IL1RAPL2: variants seen among roughly 807,000 people sequenced by gnomAD.
IL1RAPL2 encodes interleukin 1 receptor accessory protein like 2.
In IL1RAPL2, 3 loss-of-function variants were observed where a neutral mutation model predicts 44.1. That is an observed-to-expected ratio of 0.07 (90% CI 0.03 to 0.18). The LOEUF is 0.18. Ranked by LOEUF, IL1RAPL2 falls within the 10% of genes least tolerant of loss-of-function variation. IL1RAPL2 has a pLI of 1.00. For synonymous variants in IL1RAPL2, 181 were observed against 178.8 expected, an observed-to-expected ratio of 1.01 and a Z score of -0.10; for missense variants, 391 against 496.4, an observed-to-expected ratio of 0.79 and a Z score of 2.02.
intron 6 of IL1RAPL2, among the ~76,000 whole-genome samples, chrX:105,582,247 TATA>T (rs1418931167): frequency 4.5e-5 from 5 of 111,658 alleles, no homozygotes; most frequent in Non-Finnish European, 9.4e-5. Flanking sequence ...TATCTTAAAA[TATA>T]ATATTTTATG....
chrX:105,050,498 A>G (rs2031904933), intron 2 of IL1RAPL2, among the ~76,000 whole-genome samples: 1 of 112,138 alleles, frequency 8.9e-6, no homozygotes, highest in African/African-American at 3.2e-5. Context: ...ACTCTCTAAC[A>G]GTGTGTTCCT....
intron 2 of IL1RAPL2, among the ~76,000 whole-genome samples, chrX:104,934,460 G>A (rs946440270): frequency 9.0e-6 from 1 of 111,290 alleles, no homozygotes; most frequent in Admixed American, 9.6e-5. Flanking sequence ...AGGCTGCAGA[G>A]AACAGAATTG....
At chrX:105,116,825 A>G (rs1164112950) in intron 2 of IL1RAPL2, among the ~76,000 whole-genome samples, 1 of 112,582 alleles carries the variant, frequency 8.9e-6, no homozygotes, top group Admixed American at 9.4e-5. Flanking sequence ...TCAGGCTTAC[A>G]AAGTATTTCC....
chrX:104,904,856 T>C (rs1313704116), intron 2 of IL1RAPL2, among the ~76,000 whole-genome samples: 1 of 110,722 alleles, frequency 9.0e-6, no homozygotes, highest in African/African-American at 3.3e-5. Flanking sequence ...TTTCTAGTTC[T>C]AGATCCCTGA....
chrX:105,646,028 A>G (rs1400548601), intron 6 of IL1RAPL2, among the ~76,000 whole-genome samples: 1 of 111,017 alleles, frequency 9.0e-6, no homozygotes, highest in Non-Finnish European at 1.9e-5. Context: ...TGCCCATGAC[A>G]TGGACCTGAT....
Position 105,194,965 on chromosome X carries a change from G to T in IL1RAPL2, c.83-510G>T, listed in dbSNP as rs73636204. 8.5e-3 allele frequency among the ~76,000 whole-genome samples: 938 copies of T among 110,828 alleles called. 12 individuals are homozygous for T. The highest frequency in any genetic ancestry group is 0.03 in the African/African-American group (901 of 30,452). Reference sequence around the variant, plus strand: ...AGTGTCTTCATTTGTAAAATAAGAAGAAAAGCCTTCATCTCAGGACCGCTT... The same window carrying T: ...AGTGTCTTCATTTGTAAAATAAGAATAAAAGCCTTCATCTCAGGACCGCTT... On this transcript the variant is annotated intron_variant, in intron 2 of 10. Coordinates refer to ENST00000372582, the MANE Select transcript of IL1RAPL2 (RefSeq NM_017416.2).
rs938319385 is a variant in IL1RAPL2, at chrX:105,558,140, G to T, written c.772+73753G>T. 6.3e-5 allele frequency among the ~76,000 whole-genome samples: 7 copies of T among 111,312 alleles called. No homozygotes were observed. In the East Asian group the frequency reaches 2.0e-3, roughly 32 times the overall value. ...AAATGTGGATTCTGGGGTCAAACTG[G>T]CTAGATTCAAGGCACAGTTCTTTCT... is the stretch of plus-strand genomic sequence containing the variant. On this transcript the variant is annotated intron_variant, in intron 6 of 10. Transcript: ENST00000372582.
rs184028406 is a variant in IL1RAPL2 at position 105,035,696 on chromosome X, C to G, written c.83-159779C>G. On this transcript the variant is annotated intron_variant, in intron 2 of 10. Transcript: ENST00000372582. The stretch of plus-strand genomic sequence containing the variant: ...GTGTTTTTGCATTATCTCACTTATT[C>G]TCACAAATAAAATATTAAAAAGGAT... 2.1e-3 allele frequency among the ~76,000 whole-genome samples: 236 copies of G among 112,280 alleles called. 1 individual carries two copies. Among genetic ancestry groups the G allele is most frequent in the Non-Finnish European group, 1.9e-3 (99 of 53,246 alleles).
At chrX:105,210,433 T>G (rs180852757) in intron 3 of IL1RAPL2, among the ~76,000 whole-genome samples, 54 of 111,146 alleles carry the variant, frequency 4.9e-4, no homozygotes, top group African/African-American at 1.6e-3. Context: ...AGGTTACTCA[T>G]AATGATTTTG....
intron 1 of IL1RAPL2, among the ~76,000 whole-genome samples, chrX:104,633,315 C>G (rs373430292): frequency 1.5e-4 from 17 of 111,000 alleles, no homozygotes; most frequent in African/African-American, 4.3e-4. Context: ...TTTTTGTTGT[C>G]TCTCTGCCAG....
At chrX:105,587,757 G>T (rs2147817056) in intron 6 of IL1RAPL2, among the ~76,000 whole-genome samples, 1 of 111,848 alleles carries the variant, frequency 8.9e-6, no homozygotes, top group Non-Finnish European at 1.9e-5. Flanking sequence ...AAAATTTCCA[G>T]GCCAGACGTG....
chrX:105,119,678 A>G (rs2032901236), intron 2 of IL1RAPL2, among the ~76,000 whole-genome samples: 1 of 111,605 alleles, frequency 9.0e-6, no homozygotes, highest in Non-Finnish European at 1.9e-5. Context: ...CCAGTCAACA[A>G]TTGATTCACT....
intron 2 of IL1RAPL2, among the ~76,000 whole-genome samples, chrX:104,896,345 G>A (rs1237408134): frequency 8.9e-6 from 1 of 111,785 alleles, no homozygotes; most frequent in East Asian, 2.8e-4. Context: ...GGACCAACCT[G>A]CTGGCCCTTT....
chrX:104,853,795 C>T (rs1376759942), intron 2 of IL1RAPL2, among the ~76,000 whole-genome samples: 1 of 104,792 alleles, frequency 9.5e-6, no homozygotes, highest in African/African-American at 3.5e-5. Flanking sequence ...CCCAGCTACT[C>T]GGGAGGCTGA....
At chrX:104,741,339 C>T (rs1199760277) in intron 2 of IL1RAPL2, among the ~76,000 whole-genome samples, 1 of 111,211 alleles carries the variant, frequency 9.0e-6, no homozygotes, top group African/African-American at 3.3e-5. Context: ...TAAATAATCT[C>T]TAATACTGTA....
At chrX:104,990,280 A>G (rs2030638117) in intron 2 of IL1RAPL2, among the ~76,000 whole-genome samples, 1 of 112,394 alleles carries the variant, frequency 8.9e-6, no homozygotes, top group Non-Finnish European at 1.9e-5. Context: ...GTGTGGTGTA[A>G]AAGTCACAGG....
chrX:105,099,453 CTTTTTTTTTT>C (rs36063657), intron 2 of IL1RAPL2, among the ~76,000 whole-genome samples: 6 of 35,868 alleles, frequency 1.7e-4, no homozygotes, highest in Admixed American at 4.0e-4. Flanking sequence ...GTGCCACATA[CTTTTTTTTTT>C]TTTTTTTTTT....
chrX:105,339,554 T>TA (rs2035054777), intron 5 of IL1RAPL2, among the ~76,000 whole-genome samples: 1 of 111,585 alleles, frequency 9.0e-6, no homozygotes, highest in Admixed American at 9.6e-5. Context: ...GGATCAATTT[T>TA]AAAAAATCAA....
intron 2 of IL1RAPL2, among the ~76,000 whole-genome samples, chrX:105,179,260 T>C (rs747544669): frequency 2.0e-4 from 22 of 112,391 alleles, no homozygotes; most frequent in African/African-American, 7.1e-4. Flanking sequence ...CTTTTCCCAA[T>C]ATAAGTTCCT....
Sources: gnomAD v4.1 joint callset for allele counts (sites outside exome capture counted in the v4.1 genomes callset) on GRCh38, gnomAD v4.1.1 for gene constraint, MANE v1.5 for transcripts, NCBI Gene and HGNC (gene_info 2026-07-23, HGNC 2026-07-21) for gene names.